The following HAP1 variants were observed in gnomAD, a reference collection of about 807,000 sequenced individuals.
HAP1 encodes the protein huntingtin-associated protein 1.
HAP1 carries 59 observed loss-of-function variants against 60.3 expected under a neutral mutation model. The ratio of observed to expected loss-of-function variants is 0.98; its 90% CI spans 0.79 to 1.22. The LOEUF is 1.22. Ranked by LOEUF, HAP1 falls within the 50% of genes most tolerant of loss-of-function variation. HAP1 has a pLI of 0.00. For missense variants in HAP1, 825 were observed against 785.3 expected, an observed-to-expected ratio of 1.05 and a Z score of -0.60; for synonymous variants, 346 against 330.6, an observed-to-expected ratio of 1.05 and a Z score of -0.50.
intron 7 of HAP1, 130 bp downstream of exon 7, chr17:41,728,071 G>A (rs1489556282): frequency 9.2e-7 from 1 of 1,089,894 alleles, no homozygotes; most frequent in Admixed American, 1.9e-5. Context: ...CAAGATAAGG[G>A]GCTCTCTGAG....
intron 6 of HAP1, among the ~76,000 whole-genome samples, chr17:41,730,599 G>A (rs1912120535): frequency 6.6e-6 from 1 of 152,194 alleles, no homozygotes; most frequent in African/African-American, 2.4e-5. Flanking sequence ...CCAGTAGCCT[G>A]GGGACCAGTG....
At chr17:41,731,803 CACCA>C in intron 4 of HAP1, 60 bp from the exon 5 acceptor site, 6 of 1,274,670 alleles carry the variant, frequency 4.7e-6, no homozygotes, top group South Asian at 1.2e-5. Context: ...GTTCCCAGCC[CACCA>C]GGGCTAAGGG....
In HAP1 at chr17:41,732,711, G is replaced by A; in HGVS notation, c.549+8C>T. On this transcript the variant is annotated splice_region_variant and intron_variant, in intron 2 of 10. Transcript: ENST00000347901. ...AGGGCTTGCCTGGATCAGGAAGGCA[G>A]TACACACCTCCTCCAGCAAATATAA... 1 of 1,600,952 alleles carries A rather than the reference G, an allele frequency of 6.2e-7. No individual in the cohort carries two copies. Among genetic ancestry groups the A allele is most frequent in the Non-Finnish European group, 8.6e-7 (1 of 1,168,006 alleles).
chr17:41,732,163 C>A, intron 3 of HAP1, 45 bp from the exon 4 acceptor site: 1 of 1,610,320 alleles, frequency 6.2e-7, no homozygotes, highest in Non-Finnish European at 8.5e-7. Flanking sequence ...TGGGCAGGGA[C>A]AGGAGAGGGT....
downstream of HAP1, among the ~76,000 whole-genome samples, chr17:41,719,092 C>T (rs1187849614): frequency 6.6e-6 from 1 of 152,128 alleles, no homozygotes; most frequent in Non-Finnish European, 1.5e-5. Context: ...GATTCTCCTG[C>T]CTCAGCCTCT....
In HAP1 at chr17:41,725,816, G is replaced by C. The variant is rs782317993; in HGVS notation, c.1406+43C>G. 3 of 1,540,786 alleles carry C rather than the reference G, an allele frequency of 1.9e-6. No individual in the cohort carries two copies. In the African/African-American group the frequency reaches 4.1e-5, roughly 21 times the overall value. ...GAGGCAGGTGGGCTGTCTGGCTGCT[G>C]AAAGCTGAGGGCAGGTTGTAGGGGA... On this transcript the variant is annotated intron_variant, in intron 10 of 10. Coordinates refer to ENST00000347901, the MANE Select transcript of HAP1 (RefSeq NM_177977.3).
chr17:41,726,938 C>T, intron 9 of HAP1, 115 bp downstream of exon 9: 2 of 626,958 alleles, frequency 3.2e-6, no homozygotes, highest in East Asian at 2.7e-5. Flanking sequence ...GGGGCTGATG[C>T]AGTGAACGAG....
At chr17:41,727,465 C>T in intron 8 of HAP1, 1 of 776,842 alleles carries the variant, frequency 1.3e-6, no homozygotes, top group Middle Eastern at 3.5e-4. Flanking sequence ...TGCTGGGACC[C>T]AGGCACACCC....
rs535598286 is a variant in HAP1, at chr17:41,727,548, G to C, written c.1275+214C>G. Reference sequence around the variant, plus strand: ...AGGTTCTGGACTCCAAGTGTCATGTGGGGGACCCAGGGCAGGTCCCTGCAC... The same window carrying C: ...AGGTTCTGGACTCCAAGTGTCATGTCGGGGACCCAGGGCAGGTCCCTGCAC... On this transcript the variant is annotated intron_variant, in intron 8 of 10. Transcript: ENST00000347901. 14 of 695,894 alleles carry C rather than the reference G, an allele frequency of 2.0e-5. No individual in the cohort carries two copies. In the African/African-American group the frequency reaches 2.4e-4, roughly 12 times the overall value. 43.1% of individuals were successfully genotyped at this position (695,894 alleles called of 1,614,324 possible). A position where few individuals can be genotyped will look rare whatever the true frequency, so the allele number is the denominator to read the frequency against.
chr17:41,734,203 G>T lies in HAP1; in HGVS notation c.432C>A (p.Gly144=). 1 of 1,595,850 alleles carries T rather than the reference G, an allele frequency of 6.3e-7. No homozygotes were observed. The change falls in exon 1 of 11, where the codon GGC becomes GGA. Residue 144 remains glycine, a synonymous_variant. Transcript: ENST00000347901. ...CCCGAATAAAGGCGGCGCGCTCAGG[G>T]CCGGACACCCCGGGTCGCCGGCCAA... ...AYVGRRPGVS[G]PERAAFIREL...
chr17:41,719,655 T>C (rs1555586658), downstream of HAP1, among the ~76,000 whole-genome samples: 2 of 151,420 alleles, frequency 1.3e-5, no homozygotes, highest in African/African-American at 2.4e-5. Context: ...ATCACGCCAT[T>C]GCACTCCAGC....
At chr17:41,729,890 T>A (rs1181335497) in intron 6 of HAP1, among the ~76,000 whole-genome samples, 19 of 130,740 alleles carry the variant, frequency 1.5e-4, no homozygotes, top group African/African-American at 4.7e-4. Flanking sequence ...AAAAAAAAAA[T>A]TTGCCAGGCG....
Position 41,725,274 on chromosome 17 carries a change from A to AGGG in HAP1, c.1407-123_1407-121dup. The AGGG allele has an allele frequency of 7.5e-6, 6 of 802,432 alleles. No homozygotes were observed. The Middle Eastern group carries it at 1.1e-3, about 150-fold the overall frequency. The allele number at this position is 802,432 out of a possible 1,614,324, so 49.7% of individuals were successfully genotyped here. A position where few individuals can be genotyped will look rare whatever the true frequency, so the allele number is the denominator to read the frequency against. ...CCTGGTTCTGTCCCAGCCAGGGGAG[A>AGGG]GGGGAGCTAGGTACCAGCTCCAAGG... On this transcript the variant is annotated intron_variant, in intron 10 of 10. Coordinates refer to ENST00000347901, the MANE Select transcript of HAP1 (RefSeq NM_177977.3).
intron 10 of HAP1, 30 bp from the exon 11 acceptor site, chr17:41,725,184 G>A (rs782275538): frequency 3.3e-6 from 5 of 1,532,590 alleles, no homozygotes; most frequent in South Asian, 1.2e-5. Flanking sequence ...ATCTTTTGAG[G>A]GGCTGGAAAG....
rs1555591121 is a variant in HAP1 at position 41,731,954 on chromosome 17, G to A, written c.879C>T (p.Pro293=). The A allele has an allele frequency of 7.3e-6, 7 of 954,150 alleles. No homozygotes were observed. Among genetic ancestry groups the A allele is most frequent in the Non-Finnish European group, 1.2e-5 (7 of 598,158 alleles). The allele number at this position is 954,150 out of a possible 1,614,324, so 59.1% of individuals were successfully genotyped here. A position where few individuals can be genotyped will look rare whatever the true frequency, so the allele number is the denominator to read the frequency against. ...EAEEDLQCAH[P]CDAPKLISQE... is the part of the protein sequence containing the mutation. ...GAACTCACAGCTTAGGGGCATCACA[G>A]GGATGAGCACACTGCAGGTCTTCCT... The change falls in exon 4 of 11, where the codon CCC becomes CCT. Residue 293 remains proline, a synonymous_variant. Transcript: ENST00000347901.
chr17:41,729,379 A>T (rs111416082), intron 6 of HAP1, among the ~76,000 whole-genome samples: 2 of 145,712 alleles, frequency 1.4e-5, no homozygotes, highest in Non-Finnish European at 1.5e-5. Context: ...GTGAAACCCC[A>T]TCTCTACTAA....
chr17:41,728,423 C>T (rs1911863435), intron 6 of HAP1, 92 bp from the exon 7 acceptor site: 3 of 1,238,700 alleles, frequency 2.4e-6, no homozygotes, highest in African/African-American at 1.5e-5. Flanking sequence ...CCCCCACCCT[C>T]GGCTGCTGCG....
Position 41,727,575 on chromosome 17 carries a change from C to G in HAP1, c.1275+187G>C, listed in dbSNP as rs575451748. The G allele has an allele frequency of 9.0e-6, 6 of 666,034 alleles. No homozygotes were observed. The South Asian group carries it at 1.0e-4, about 11-fold the overall frequency. The allele number at this position is 666,034 out of a possible 1,614,324, so 41.3% of individuals were successfully genotyped here. ...GGGACCCAGGGCAGGTCCCTGCACT[C>G]CACACCACTCAGACCTTGATGGAAC... On this transcript the variant is annotated intron_variant, in intron 8 of 10. Transcript: ENST00000347901.
intron 6 of HAP1, among the ~76,000 whole-genome samples, chr17:41,729,869 A>C (rs1912002903): frequency 3.1e-5 from 1 of 32,624 alleles, no homozygotes. Context: ...AGACTCCGTC[A>C]AAAAAAAAAA....
Sources: gnomAD v4.1 joint callset for allele counts (sites outside exome capture counted in the v4.1 genomes callset) on GRCh38, gnomAD v4.1.1 for gene constraint, MANE v1.5 for transcripts, NCBI Gene and HGNC (gene_info 2026-07-23, HGNC 2026-07-21) for gene names.